SLC22A15: variants seen among roughly 807,000 people sequenced by gnomAD.
The protein encoded by SLC22A15 is solute carrier family 22 member 15.
A neutral mutation model predicts 62.7 loss-of-function variants in SLC22A15; 45 were observed. That is an observed-to-expected ratio of 0.72 (90% CI 0.56 to 0.92). The LOEUF is 0.92. SLC22A15 is among the 40% of genes least tolerant of loss of function. The pLI is 0.00. For missense variants in SLC22A15, 622 were observed against 665.6 expected (o/e 0.93, Z 0.72); for synonymous variants, 264 against 267.0 (o/e 0.99, Z 0.11).
At chr1:116,040,548 A>G (rs1173957499) in intron 8 of SLC22A15, among the ~76,000 whole-genome samples, 1 of 152,222 alleles carries the variant, frequency 6.6e-6, no homozygotes, top group Non-Finnish European at 1.5e-5. Context: ...TCCGGGATTC[A>G]GATTCTTTCC....
At chr1:115,994,167 AACCACCAGCCCC>A (rs2101103998) in intron 2 of SLC22A15, among the ~76,000 whole-genome samples, 1 of 152,184 alleles carries the variant, frequency 6.6e-6, no homozygotes, top group South Asian at 2.1e-4. Context: ...GGCCTATAGC[AACCACCAGCCCC>A]ACCACCACCA....
In SLC22A15 at chr1:115,988,663, G is replaced by T. The variant is rs916346063; in HGVS notation, c.88-3368G>T. ...AGCCTCCCAAGTAGCTGGGATTACAGGCATGTGCCACCATGCCCAGCTAAT... is the reference window on the plus strand; with the variant it reads ...AGCCTCCCAAGTAGCTGGGATTACATGCATGTGCCACCATGCCCAGCTAAT... On this transcript the variant is annotated intron_variant, in intron 1 of 11. Transcript: ENST00000369503. Among the ~76,000 whole-genome samples the T allele has an allele frequency of 3.3e-5, 5 of 151,162 alleles. No individual in the cohort carries two copies. In the South Asian group the frequency reaches 6.3e-4, roughly 19 times the overall value.
intron 2 of SLC22A15, among the ~76,000 whole-genome samples, chr1:116,002,218 C>G (rs1372463319): frequency 7.9e-5 from 12 of 152,216 alleles, no homozygotes; most frequent in Non-Finnish European, 1.5e-5. Flanking sequence ...CCATGCTGAG[C>G]TCCCTGGAGT....
At chr1:116,017,121 C>T (rs1485925199) in intron 2 of SLC22A15, among the ~76,000 whole-genome samples, 1 of 152,124 alleles carries the variant, frequency 6.6e-6, no homozygotes, top group African/African-American at 2.4e-5. Context: ...TGTGTTTTCA[C>T]CTGGGGCCAT....
chr1:116,012,434 A>G (rs1274385695), intron 2 of SLC22A15, among the ~76,000 whole-genome samples: 1 of 152,084 alleles, frequency 6.6e-6, no homozygotes, highest in Non-Finnish European at 1.5e-5. Flanking sequence ...AAAAAAAGAA[A>G]TATCTCCTGA....
At position 116,000,723 on chromosome 1, in the gene SLC22A15, C is replaced by G. The variant is rs902212556; in HGVS notation, c.300+8480C>G. ...CCGGCTCACTGCAAACTCTGCCTTC[C>G]AGGTTCCTTCGATTCTCCTGCCTCA... On this transcript the variant is annotated intron_variant, in intron 2 of 11. Transcript: ENST00000369503. 8.7e-5 allele frequency among the ~76,000 whole-genome samples: 13 copies of G among 150,006 alleles called. No homozygotes were observed. In the Admixed American group the frequency reaches 8.7e-4, roughly 10 times the overall value.
chr1:115,995,480 A>T (rs1282026978), intron 2 of SLC22A15, among the ~76,000 whole-genome samples: 1 of 152,112 alleles, frequency 6.6e-6, no homozygotes, highest in Non-Finnish European at 1.5e-5. Flanking sequence ...CGAACTCCTG[A>T]CCGCAGGTGA....
intron 9 of SLC22A15, 64 bp from the exon 10 acceptor site, chr1:116,064,372 C>T: frequency 8.3e-7 from 1 of 1,211,658 alleles, no homozygotes; most frequent in South Asian, 1.2e-5. Flanking sequence ...CCGCTGCTGC[C>T]CCCCAAGGGT....
At chr1:115,978,997 C>T (rs1407514577) in intron 1 of SLC22A15, among the ~76,000 whole-genome samples, 2 of 152,166 alleles carry the variant, frequency 1.3e-5, no homozygotes, top group African/African-American at 4.8e-5. Context: ...TCAGTGGGAG[C>T]CTTCTCCCCA....
intron 10 of SLC22A15, among the ~76,000 whole-genome samples, chr1:116,064,798 A>G (rs1009231019): frequency 2.0e-5 from 3 of 152,100 alleles, no homozygotes; most frequent in Admixed American, 1.3e-4. Flanking sequence ...ATAAGTATGT[A>G]TGACACTTCT....
At chr1:116,004,820 G>C (rs1655897343) in intron 2 of SLC22A15, among the ~76,000 whole-genome samples, 1 of 152,062 alleles carries the variant, frequency 6.6e-6, no homozygotes, top group African/African-American at 2.4e-5. Context: ...TTTCCTTTTG[G>C]GGAGTTTTAA....
intron 4 of SLC22A15, among the ~76,000 whole-genome samples, chr1:116,021,994 A>G (rs536873792): frequency 6.6e-6 from 1 of 152,166 alleles, no homozygotes; most frequent in African/African-American, 2.4e-5. Context: ...TTTGAAGTGT[A>G]TGGGCTATTG....
At chr1:116,017,384 A>AG (rs1656595238) in intron 2 of SLC22A15, 2 of 149,510 alleles carry the variant, frequency 1.3e-5, no homozygotes, top group African/African-American at 4.9e-5. Flanking sequence ...AAAAAAAAAA[A>AG]GAAAAGAAAA....
rs370704116 is a variant in SLC22A15 at position 116,018,673 on chromosome 1, A to C, written c.301-909A>C. On this transcript the variant is annotated intron_variant, in intron 2 of 11. Transcript: ENST00000369503. ...TGACATAATTATATTTATGGGCTAC[A>C]TGGTGATGTTTTAATACATACAATG... Among the ~76,000 whole-genome samples, 26 of 152,216 alleles carry C rather than the reference A, an allele frequency of 1.7e-4. No individual in the cohort carries two copies. The South Asian group carries it at 4.2e-3, about 24-fold the overall frequency.
intron 8 of SLC22A15, among the ~76,000 whole-genome samples, chr1:116,053,019 C>T (rs935851935): frequency 7.9e-5 from 12 of 152,160 alleles, no homozygotes; most frequent in East Asian, 3.8e-4. Context: ...TCCAAAGGAA[C>T]GCAGTTCCTC....
rs554577888 is a variant in SLC22A15 at position 116,046,234 on chromosome 1, G to GA, written c.1171+8854dup. ...AACTAGGACACCAAAAGCACAAAAA[G>GA]AAAAAAAATTCATGACCTAGACTTC... is the stretch of plus-strand genomic sequence containing the variant. On this transcript the variant is annotated intron_variant, in intron 8 of 11. Transcript: ENST00000369503. Among the ~76,000 whole-genome samples, 13 of 151,686 alleles carry GA rather than the reference G, an allele frequency of 8.6e-5. No individual in the cohort carries two copies. In the East Asian group the frequency reaches 1.9e-3, roughly 23 times the overall value.
Position 115,992,011 on chromosome 1 carries a change from CTG to C in SLC22A15, c.88-14_88-13del. 6.2e-7 allele frequency: 1 copy of C among 1,608,020 alleles called. No individual in the cohort carries two copies. Among genetic ancestry groups the C allele is most frequent in the Non-Finnish European group, 8.5e-7 (1 of 1,175,824 alleles). On this transcript the variant is annotated intron_variant, in intron 1 of 11. Coordinates refer to ENST00000369503, the MANE Select transcript of SLC22A15 (RefSeq NM_018420.3). ...TGGCAAATATCTGCAGTGTTTGGTT[CTG>C]TGTGTTTGCTCTTTCAGCTCTACGT...
intron 1 of SLC22A15, among the ~76,000 whole-genome samples, chr1:115,987,979 A>G (rs551433727): frequency 6.6e-6 from 1 of 152,234 alleles, no homozygotes; most frequent in Non-Finnish European, 1.5e-5. Flanking sequence ...GAGAAGTATT[A>G]TAAGAGCTCT....
At chr1:116,058,224 A>G (rs1040169809) in intron 8 of SLC22A15, among the ~76,000 whole-genome samples, 21 of 152,184 alleles carry the variant, frequency 1.4e-4, no homozygotes, top group African/African-American at 5.1e-4. Context: ...TACATCTGAC[A>G]AAGGACTAAT....
Sources: allele counts gnomAD v4.1 joint callset (sites outside exome capture counted in the v4.1 genomes callset), GRCh38; gene constraint gnomAD v4.1.1; transcripts MANE v1.5; gene names NCBI Gene and HGNC (gene_info 2026-07-23, HGNC 2026-07-21).